Variants in FAT3 observed in about 807,000 individuals in gnomAD.
FAT3 encodes the protein FAT atypical cadherin 3.
A neutral mutation model predicts 310.2 loss-of-function variants in FAT3; 95 were observed. That is an observed-to-expected ratio of 0.31 (90% CI 0.26 to 0.36). The LOEUF is 0.36. Among genes scored for constraint, FAT3 ranks in the 10% least tolerant of loss-of-function variants. FAT3 has a pLI of 1.00. For missense variants in FAT3, 5,408 were observed against 5,715.6 expected, an observed-to-expected ratio of 0.95 and a Z score of 1.74; for synonymous variants, 2,314 against 2,192.9, an observed-to-expected ratio of 1.06 and a Z score of -1.54.
At chr11:92,270,337 C>G (rs1221832480) in intron 1 of FAT3, among the ~76,000 whole-genome samples, 1 of 151,962 alleles carries the variant, frequency 6.6e-6, no homozygotes, top group Non-Finnish European at 1.5e-5. Context: ...TTTTTGTCAA[C>G]ATTGTTCTCT....
intron 26 of FAT3, 84 bp downstream of exon 26, chr11:92,889,332 CCACAGAGGGGG>C (rs1949863300): frequency 1.7e-6 from 1 of 583,466 alleles, no homozygotes; most frequent in South Asian, 2.3e-5. Flanking sequence ...AATGGATTGG[CCACAGAGGGGG>C]CAATAAACAG....
intron 1 of FAT3, among the ~76,000 whole-genome samples, chr11:92,252,788 A>C (rs1020122611): frequency 6.6e-6 from 1 of 152,144 alleles, no homozygotes. Flanking sequence ...CCACTGACTT[A>C]GGCCACTTAC....
In FAT3 at chr11:92,499,065, A is replaced by G. The variant is rs574089765; in HGVS notation, c.3293-25569A>G. The G allele has an allele frequency of 2.0e-5, 3 of 152,062 alleles. No individual in the cohort carries two copies. In the South Asian group the frequency reaches 6.2e-4, roughly 32 times the overall value. The allele number at this position is 152,062 out of a possible 1,614,324, so 9.4% of individuals were successfully genotyped here. A position where few individuals can be genotyped will look rare whatever the true frequency, so the allele number is the denominator to read the frequency against. On this transcript the variant is annotated intron_variant, in intron 2 of 27. Transcript: ENST00000525166. ...ATATTTTGTTATGTGTTATTTTGGT[A>G]TCATTCATTTAGCAAGCATTTATTG...
rs561206886 is a variant in FAT3 at position 92,684,488 on chromosome 11, G to C, written c.3608-12896G>C. 2.8e-4 allele frequency among the ~76,000 whole-genome samples: 42 copies of C among 152,256 alleles called. 1 individual carries two copies. Among genetic ancestry groups the C allele is most frequent in the African/African-American group, 1.0e-3 (42 of 41,556 alleles). On this transcript the variant is annotated intron_variant, in intron 3 of 27. Coordinates refer to ENST00000525166, the MANE Select transcript of FAT3 (RefSeq NM_001367949.2). The stretch of plus-strand genomic sequence containing the variant: ...TTTCAGGTCTGCCACCACTGTTCTT[G>C]TTTCTGAAACAGGAGGAAAATCTGA...
chr11:92,541,359 A>G (rs1290940237), intron 3 of FAT3, among the ~76,000 whole-genome samples: 1 of 152,172 alleles, frequency 6.6e-6, no homozygotes, highest in Non-Finnish European at 1.5e-5. Flanking sequence ...TTTGTAGCAA[A>G]AGATTCTTAT....
chr11:92,732,786 G>A (rs563860986), intron 4 of FAT3, among the ~76,000 whole-genome samples: 2 of 152,258 alleles, frequency 1.3e-5, no homozygotes, highest in South Asian at 2.1e-4. Flanking sequence ...CCAGATACTA[G>A]GTTAAGCACT....
chr11:92,871,501 C>T (rs561451937), intron 22 of FAT3, among the ~76,000 whole-genome samples: 6 of 152,296 alleles, frequency 3.9e-5, no homozygotes, highest in African/African-American at 1.4e-4. Flanking sequence ...CCTGGGGAAA[C>T]TTTGACTCTT....
At chr11:92,428,384 G>A (rs1286890098) in intron 2 of FAT3, among the ~76,000 whole-genome samples, 5 of 148,760 alleles carry the variant, frequency 3.4e-5, no homozygotes, top group Non-Finnish European at 7.4e-5. Context: ...AACTCCTTCA[G>A]TTCTGCTCTG....
chr11:92,365,245 G>C (rs1948989277), intron 2 of FAT3, among the ~76,000 whole-genome samples: 1 of 152,116 alleles, frequency 6.6e-6, no homozygotes, highest in Non-Finnish European at 1.5e-5. Context: ...ACTCCAGCTT[G>C]GGTGACAGAG....
At chr11:92,490,236 A>G (rs1952563314) in intron 2 of FAT3, among the ~76,000 whole-genome samples, 1 of 152,126 alleles carries the variant, frequency 6.6e-6, no homozygotes, top group South Asian at 2.1e-4. Context: ...AATCAGTTCT[A>G]ATGGTCTCTA....
At chr11:92,688,240 C>A (rs1013007020) in intron 3 of FAT3, among the ~76,000 whole-genome samples, 2 of 151,990 alleles carry the variant, frequency 1.3e-5, no homozygotes, top group African/African-American at 4.8e-5. Context: ...TCAAAACAAA[C>A]ATGGTAACCA....
intron 4 of FAT3, among the ~76,000 whole-genome samples, chr11:92,729,660 C>T (rs1452348576): frequency 5.9e-5 from 9 of 151,674 alleles, no homozygotes; most frequent in South Asian, 2.1e-4. Context: ...CTCCTGACCT[C>T]GTGATCCACC....
intron 2 of FAT3, among the ~76,000 whole-genome samples, chr11:92,410,019 GA>G (rs1006347077): frequency 5.9e-5 from 9 of 151,994 alleles, no homozygotes; most frequent in African/African-American, 2.2e-4. Flanking sequence ...CCTGGGAAAA[GA>G]AAAAAATGCA....
chr11:92,259,883 G>T (rs1015736164), intron 1 of FAT3, among the ~76,000 whole-genome samples: 1 of 152,090 alleles, frequency 6.6e-6, no homozygotes, highest in African/African-American at 2.4e-5. Flanking sequence ...CTTCCTTTTG[G>T]TGTTTTTCCT....
chr11:92,846,637 G>A (rs1397926445), intron 19 of FAT3, among the ~76,000 whole-genome samples: 1 of 152,186 alleles, frequency 6.6e-6, no homozygotes, highest in East Asian at 1.9e-4. Flanking sequence ...AGACACTAAT[G>A]TCTTAAATGC....
chr11:92,229,639 A>C (rs1472989901), intron 1 of FAT3, among the ~76,000 whole-genome samples: 2 of 149,926 alleles, frequency 1.3e-5, no homozygotes, highest in African/African-American at 2.4e-5. Flanking sequence ...CATATTTGAC[A>C]CTTGTCTAGT....
chr11:92,648,970 C>T (rs1180518168), intron 3 of FAT3, among the ~76,000 whole-genome samples: 1 of 152,166 alleles, frequency 6.6e-6, no homozygotes, highest in Non-Finnish European at 1.5e-5. Context: ...CTTCTGTTTT[C>T]ATCTCTTGTT....
intron 3 of FAT3, among the ~76,000 whole-genome samples, chr11:92,677,699 G>A (rs770176485): frequency 2.0e-5 from 3 of 152,194 alleles, no homozygotes; most frequent in Non-Finnish European, 4.4e-5. Context: ...AGAACTCACA[G>A]CCTCAAGACC....
At chr11:92,348,352 A>C (rs1440705296) in intron 1 of FAT3, among the ~76,000 whole-genome samples, 1 of 152,216 alleles carries the variant, frequency 6.6e-6, no homozygotes, top group Non-Finnish European at 1.5e-5. Context: ...CAATTCCAGC[A>C]ATGTATCTTG....
Sources: allele counts gnomAD v4.1 joint callset (sites outside exome capture counted in the v4.1 genomes callset), GRCh38; gene constraint gnomAD v4.1.1; transcripts MANE v1.5; gene names NCBI Gene and HGNC (gene_info 2026-07-23, HGNC 2026-07-21).